PLEKHA6: variants seen among roughly 807,000 people sequenced by gnomAD.
PLEKHA6 encodes the protein pleckstrin homology domain containing A6.
PLEKHA6 carries 60 observed loss-of-function variants against 116.7 expected under a neutral mutation model. The observed-to-expected ratio is 0.51, with a 90% CI of 0.42 to 0.64. PLEKHA6 has a LOEUF of 0.64. Among genes scored for constraint, PLEKHA6 ranks in the 30% least tolerant of loss-of-function variants. The probability of loss-of-function intolerance (pLI) is 0.00; values close to 1 mark genes in which losing one functional copy is unlikely to be tolerated. For missense variants in PLEKHA6, 1,338 were observed against 1,422.7 expected (o/e 0.94, Z 0.96); for synonymous variants, 489 against 556.1 (o/e 0.88, Z 1.70).
intron 9 of PLEKHA6, among the ~76,000 whole-genome samples, chr1:204,251,026 A>C (rs1418738757): frequency 6.6e-6 from 1 of 152,224 alleles, no homozygotes; most frequent in African/African-American, 2.4e-5. Context: ...CATTGGGAAC[A>C]GTTGAAAACT....
At chr1:204,294,910 T>C (rs1406887073) in intron 1 of PLEKHA6, among the ~76,000 whole-genome samples, 1 of 152,262 alleles carries the variant, frequency 6.6e-6, no homozygotes, top group Non-Finnish European at 1.5e-5. Context: ...TTGGGCTATT[T>C]ATCCTTAGGA....
intron 9 of PLEKHA6, among the ~76,000 whole-genome samples, chr1:204,254,814 T>C (rs1665060639): frequency 6.6e-6 from 1 of 152,196 alleles, no homozygotes; most frequent in Non-Finnish European, 1.5e-5. Context: ...AGGACAGTGT[T>C]GTGTACTTCT....
At chr1:204,302,953 C>T (rs1670961494) in intron 1 of PLEKHA6, among the ~76,000 whole-genome samples, 1 of 152,204 alleles carries the variant, frequency 6.6e-6, no homozygotes, top group Admixed American at 6.5e-5. Flanking sequence ...CTAGGTGGAG[C>T]CATCAGATGA....
chr1:204,360,383 GCC>G (rs55977147), upstream of PLEKHA6, among the ~76,000 whole-genome samples: 3,235 of 135,660 alleles, frequency 0.024, 64 homozygotes, highest in South Asian at 0.1. Context: ...CCCATCCCCC[GCC>G]CCCCCCCCAA....
chr1:204,286,706 C>G (rs1036162440), intron 1 of PLEKHA6, among the ~76,000 whole-genome samples: 2 of 152,202 alleles, frequency 1.3e-5, no homozygotes, highest in African/African-American at 4.8e-5. Flanking sequence ...ATGAAGCCCC[C>G]CTGCCCTGCC....
Position 204,257,779 on chromosome 1 carries a change from C to A in PLEKHA6, c.1098G>T (p.Pro366=), listed in dbSNP as rs149450889. ...SQYPDDYQYY[P]PGVRPESICS... Reference sequence around the variant, plus strand: ...AGATGCTCTCCGGCCGCACTCCTGGCGGGTAGTACTGATAATCATCGGGGT... The same window carrying A: ...AGATGCTCTCCGGCCGCACTCCTGGAGGGTAGTACTGATAATCATCGGGGT... Residue 366 remains proline (P), a synonymous_variant, in exon 9 of 23, where the codon CCG becomes CCT. Transcript: ENST00000272203. This position sits in a 1 kb window ranked among gnomAD's most constrained non-coding sequence, Gnocchi z 6.5. The A allele has an allele frequency of 6.8e-6, 11 of 1,613,852 alleles. No homozygotes were observed. Among genetic ancestry groups the A allele is most frequent in the Non-Finnish European group, 9.3e-6 (11 of 1,179,990 alleles).
At position 204,314,774 on chromosome 1, in the gene PLEKHA6, C is replaced by T. The variant is rs140702744; in HGVS notation, c.-94-39965G>A. Among the ~76,000 whole-genome samples the T allele has an allele frequency of 1.8e-4, 28 of 152,342 alleles. No individual in the cohort carries two copies. The East Asian group carries it at 3.1e-3, about 17-fold the overall frequency. On this transcript the variant is annotated intron_variant, in intron 1 of 22. Coordinates refer to ENST00000272203, the MANE Select transcript of PLEKHA6 (RefSeq NM_014935.5). Reference sequence around the variant, plus strand: ...TCTTACCTCCACAATGGCGCAGGGGCGGTAGAGATGCTGGTATGGATGCCC... The same window carrying T: ...TCTTACCTCCACAATGGCGCAGGGGTGGTAGAGATGCTGGTATGGATGCCC...
At chr1:204,274,090 T>G (rs1667764556) in intron 2 of PLEKHA6, among the ~76,000 whole-genome samples, 1 of 151,944 alleles carries the variant, frequency 6.6e-6, no homozygotes, top group African/African-American at 2.4e-5. Context: ...TGGGCCACCA[T>G]GCCTAGCTAA....
intron 1 of PLEKHA6, among the ~76,000 whole-genome samples, chr1:204,337,100 G>T (rs1299122762): frequency 1.3e-5 from 2 of 152,220 alleles, no homozygotes; most frequent in Non-Finnish European, 2.9e-5. Flanking sequence ...AGAGTTAAGA[G>T]AAACAATCCA....
At chr1:204,311,959 T>C (rs1435766313) in intron 1 of PLEKHA6, among the ~76,000 whole-genome samples, 1 of 152,242 alleles carries the variant, frequency 6.6e-6, no homozygotes, top group Non-Finnish European at 1.5e-5. Flanking sequence ...TGGTGCTACA[T>C]GACAAAATGC....
rs534424841 is a variant in PLEKHA6, at chr1:204,257,947, C to T, written c.1008-78G>A. ...CCCACCCCAGCCCCACCTCCAGGTC[C>T]CCCAGCCTAGAGCAGGGTGCTTGAA... On this transcript the variant is annotated intron_variant, in intron 8 of 22. Transcript: ENST00000272203. This position sits in a 1 kb window ranked among gnomAD's most constrained non-coding sequence, Gnocchi z 6.5. 2.2e-6 allele frequency: 3 copies of T among 1,371,460 alleles called. No homozygotes were observed. Among genetic ancestry groups the T allele is most frequent in the South Asian group, 2.7e-5 (2 of 73,056 alleles). The allele number at this position is 1,371,460 out of a possible 1,614,324, so 85.0% of individuals were successfully genotyped here.
At chr1:204,226,072 G>C (rs1660325767) in intron 21 of PLEKHA6, among the ~76,000 whole-genome samples, 1 of 152,216 alleles carries the variant, frequency 6.6e-6, no homozygotes, top group Non-Finnish European at 1.5e-5. Flanking sequence ...CTCATGACCT[G>C]TGCCCAGCAC....
At chr1:204,229,852 G>A (rs1253122874) in intron 18 of PLEKHA6, among the ~76,000 whole-genome samples, 1 of 152,122 alleles carries the variant, frequency 6.6e-6, no homozygotes, top group Non-Finnish European at 1.5e-5. Flanking sequence ...GTGATGTCTT[G>A]GGCTACATCC....
chr1:204,299,725 G>T, intron 1 of PLEKHA6: 1 of 689,590 alleles, frequency 1.5e-6, no homozygotes, highest in Non-Finnish European at 1.8e-6. Flanking sequence ...TCTTTAGAAA[G>T]GCCTACTTCC....
intron 13 of PLEKHA6, among the ~76,000 whole-genome samples, chr1:204,246,861 C>T (rs914854752): frequency 1.3e-5 from 2 of 152,228 alleles, no homozygotes; most frequent in Admixed American, 1.3e-4. Flanking sequence ...TCCTGCTGGG[C>T]ACAGTGGCTC....
Position 204,259,880 on chromosome 1 carries a change from C to T in PLEKHA6, c.525-140G>A, listed in dbSNP as rs1338446537. ...AACCAGGATTCTATGAACTCCAGTT[C>T]TGCTTCCTAAGTCCCACCCCTTCAC... On this transcript the variant is annotated intron_variant, in intron 7 of 22. Transcript: ENST00000272203. This position sits in a 1 kb window ranked among gnomAD's most constrained non-coding sequence, Gnocchi z 4.6. The T allele has an allele frequency of 1.2e-6, 1 of 868,368 alleles. No individual in the cohort carries two copies. Among genetic ancestry groups the T allele is most frequent in the Non-Finnish European group, 1.7e-6 (1 of 581,236 alleles). The allele number at this position is 868,368 out of a possible 1,614,324, so 53.8% of individuals were successfully genotyped here.
Position 204,248,222 on chromosome 1 carries a change from G to A in PLEKHA6, c.1824+599C>T, listed in dbSNP as rs111357933. 7.1e-3 allele frequency among the ~76,000 whole-genome samples: 1,016 copies of A among 142,864 alleles called. 5 individuals are homozygous for A. The highest frequency in any genetic ancestry group is 0.022 in the Middle Eastern group (6 of 270). 93.7% of individuals were successfully genotyped at this position (142,864 alleles called of 152,430 possible). On this transcript the variant is annotated intron_variant, in intron 12 of 22. Transcript: ENST00000272203. ...TGCCCAGGCTGGAGTGCAATGGTGC[G>A]ATCTCGGCTCACGGCAACCTCCGCC...
chr1:204,298,657 G>C (rs982014468), intron 1 of PLEKHA6, among the ~76,000 whole-genome samples: 1 of 152,136 alleles, frequency 6.6e-6, no homozygotes, highest in Non-Finnish European at 1.5e-5. Flanking sequence ...GTCCAAGAAG[G>C]GCTAATGTGC....
chr1:204,269,642 C>T (rs1208717607), intron 3 of PLEKHA6, among the ~76,000 whole-genome samples: 1 of 151,896 alleles, frequency 6.6e-6, no homozygotes, highest in Non-Finnish European at 1.5e-5. Flanking sequence ...ATTAGACATG[C>T]ACTCCCTCAA....
Sources: gnomAD v4.1 joint callset for allele counts (sites outside exome capture counted in the v4.1 genomes callset) on GRCh38, gnomAD v4.1.1 for gene constraint, Gnocchi (gnomAD v3.1) non-coding constraint, MANE v1.5 for transcripts, NCBI Gene and HGNC (gene_info 2026-07-23, HGNC 2026-07-21) for gene names.